Variants in TMEM131L observed in about 807,000 individuals in gnomAD.
The protein encoded by TMEM131L is transmembrane protein 131-like.
TMEM131L carries 54 observed loss-of-function variants against 192.2 expected under a neutral mutation model. The observed-to-expected ratio is 0.28, with a 90% confidence interval of 0.23 to 0.35. The LOEUF (loss-of-function observed/expected upper bound fraction) is 0.35. Ranked by LOEUF, TMEM131L falls within the 10% of genes least tolerant of loss-of-function variation. TMEM131L has a pLI of 1.00. For synonymous variants in TMEM131L, 701 were observed against 704.9 expected, an observed-to-expected ratio of 0.99 and a Z score of 0.09; for missense variants, 1,888 against 1,972.9, an observed-to-expected ratio of 0.96 and a Z score of 0.82.
In TMEM131L at chr4:153,591,104, G is replaced by T. The variant is rs1344950069; in HGVS notation, c.1722G>T (p.Glu574Asp). 1 of 1,610,614 alleles carries T rather than the reference G, an allele frequency of 6.2e-7. No individual in the cohort carries two copies. The highest frequency in any genetic ancestry group is 8.5e-7 in the Non-Finnish European group (1 of 1,177,864). The change falls in exon 17 of 35, where the codon GAG (glutamate) becomes GAT (aspartate). Residue 574 changes from glutamate (E) to aspartate (D), a missense_variant. Physicochemically the swap from Glu to Asp is conservative, Grantham distance 45 (BLOSUM62 2). Coordinates refer to ENST00000409959, the MANE Select transcript of TMEM131L (RefSeq NM_001131007.2). Reference sequence around the variant, plus strand: ...TTGCTCACTTGAAGAAATCCAAGGAGTCAGAGTCCTTTGTTTTCTTTTTGC... The same window carrying T: ...TTGCTCACTTGAAGAAATCCAAGGATTCAGAGTCCTTTGTTTTCTTTTTGC... ...TRFAHLKKSK[E>D]SESFVFFLPR... is the part of the protein sequence containing the mutation.
chr4:153,504,699 A>G (rs116510548), intron 3 of TMEM131L, among the ~76,000 whole-genome samples: 4,258 of 152,324 alleles, frequency 0.028, 191 homozygotes, highest in African/African-American at 0.097. Context: ...CTGTAGAATT[A>G]GCAAAATTTT....
At chr4:153,628,059 T>A (rs746303453) in intron 31 of TMEM131L, among the ~76,000 whole-genome samples, 1 of 152,214 alleles carries the variant, frequency 6.6e-6, no homozygotes, top group African/African-American at 2.4e-5. Context: ...GGAGGCTGAT[T>A]GGGGAGTGTG....
At chr4:153,494,794 G>A (rs973215205) in intron 3 of TMEM131L, among the ~76,000 whole-genome samples, 3 of 152,166 alleles carry the variant, frequency 2.0e-5, no homozygotes, top group South Asian at 2.1e-4. Flanking sequence ...GCTCTCCGTC[G>A]GGAGCGCTAA....
rs1031521129 is a variant in TMEM131L at position 153,555,154 on chromosome 4, G to A, written c.309-633G>A. The stretch of plus-strand genomic sequence containing the variant: ...AGAACCTCTGCTGCAAAGTGCTGCC[G>A]GATTTTCAGTTTTCTCAAAAGAATA... On this transcript the variant is annotated intron_variant, in intron 4 of 34. Transcript: ENST00000409959. The surrounding 1 kb of genome is among the most constrained non-coding windows in gnomAD (Gnocchi z 4.1). 2.6e-5 allele frequency among the ~76,000 whole-genome samples: 4 copies of A among 152,194 alleles called. No homozygotes were observed. Among genetic ancestry groups the A allele is most frequent in the South Asian group, 4.1e-4 (2 of 4,820 alleles).
chr4:153,586,393 T>TA lies in TMEM131L; in HGVS notation c.1482+15dup. The stretch of plus-strand genomic sequence containing the variant: ...GCACCAACCAAGGTATTTTCTACAA[T>TA]ACTATATGTGTGTTACAGTTTTCTT... On this transcript the variant is annotated intron_variant, in intron 14 of 34. Transcript: ENST00000409959. 1 of 1,568,306 alleles carries TA rather than the reference T, an allele frequency of 6.4e-7. No homozygotes were observed.
chr4:153,636,221 G>A (rs1315969390), intron 34 of TMEM131L, 80 bp from the exon 35 acceptor site: 3 of 1,258,876 alleles, frequency 2.4e-6, no homozygotes, highest in East Asian at 2.5e-5. Flanking sequence ...TAGCATTGTA[G>A]TATTCGCTGA....
intron 19 of TMEM131L, among the ~76,000 whole-genome samples, chr4:153,594,698 A>T (rs1420473975): frequency 6.6e-6 from 1 of 152,242 alleles, no homozygotes; most frequent in South Asian, 2.1e-4. Context: ...CAATAACAGA[A>T]GGAGGGAGAC....
At chr4:153,633,058 C>T (rs954028043) in intron 32 of TMEM131L, among the ~76,000 whole-genome samples, 14 of 151,590 alleles carry the variant, frequency 9.2e-5, no homozygotes, top group African/African-American at 3.2e-4. Flanking sequence ...GTGACAGTGT[C>T]GTTATTTTTT....
chr4:153,583,519 T>G, intron 10 of TMEM131L, 45 bp from the exon 11 acceptor site: 3 of 1,261,528 alleles, frequency 2.4e-6, no homozygotes, highest in Non-Finnish European at 3.5e-6. Context: ...GGATAAATAC[T>G]CTCCCAGCTG....
intron 3 of TMEM131L, among the ~76,000 whole-genome samples, chr4:153,543,761 C>T (rs1241998006): frequency 3.9e-5 from 6 of 152,212 alleles, no homozygotes; most frequent in Non-Finnish European, 7.3e-5. Flanking sequence ...CCATCAGACA[C>T]ACTGTTTAGA....
chr4:153,469,370 A>C (rs1730996438), intron 2 of TMEM131L, among the ~76,000 whole-genome samples: 1 of 149,820 alleles, frequency 6.7e-6, no homozygotes, highest in Non-Finnish European at 1.5e-5. Flanking sequence ...TATATCTCAT[A>C]AGCTACAGAG....
At chr4:153,577,104 G>A (rs1730002308) in intron 7 of TMEM131L, among the ~76,000 whole-genome samples, 1 of 152,130 alleles carries the variant, frequency 6.6e-6, no homozygotes, top group Admixed American at 6.5e-5. Flanking sequence ...TTAGCTAGGT[G>A]GAGAGGTGGG....
At chr4:153,615,692 T>C (rs1428315915) in intron 26 of TMEM131L, among the ~76,000 whole-genome samples, 2 of 152,178 alleles carry the variant, frequency 1.3e-5, no homozygotes, top group Non-Finnish European at 2.9e-5. Context: ...TGCCCTGCAA[T>C]GAAGTAGAAA....
At chr4:153,521,763 G>A (rs1289683925) in intron 3 of TMEM131L, among the ~76,000 whole-genome samples, 1 of 151,956 alleles carries the variant, frequency 6.6e-6, no homozygotes, top group African/African-American at 2.4e-5. Context: ...GTGCTTCATA[G>A]GAGGGAGAAT....
intron 7 of TMEM131L, among the ~76,000 whole-genome samples, chr4:153,564,213 C>T (rs181872298): frequency 6.7e-4 from 94 of 140,570 alleles, no homozygotes; most frequent in African/African-American, 2.2e-3. Context: ...TGCTTGAACC[C>T]GGGAGGCGGA....
Position 153,581,515 on chromosome 4 carries a change from C to T in TMEM131L, c.847C>T (p.His283Tyr). ...FEENTQHLLD[H>Y]LSIVYVATDE... ...AGAAAACACACAACATTTGTTAGATCATCTCTCTATTGTTTACGTAGCTAC... is the reference window on the plus strand; with the variant it reads ...AGAAAACACACAACATTTGTTAGATTATCTCTCTATTGTTTACGTAGCTAC... The change falls in exon 9 of 35, where the codon CAT (histidine) becomes TAT (tyrosine). Residue 283 changes from histidine (H) to tyrosine (Y), a missense_variant. By Grantham distance (83) the His-to-Tyr change is moderately conservative. Transcript: ENST00000409959. 4 of 1,602,954 alleles carry T rather than the reference C, an allele frequency of 2.5e-6. No homozygotes were observed. Among genetic ancestry groups the T allele is most frequent in the Non-Finnish European group, 3.4e-6 (4 of 1,173,672 alleles).
intron 3 of TMEM131L, among the ~76,000 whole-genome samples, chr4:153,480,914 A>G (rs953856118): frequency 6.6e-6 from 1 of 152,086 alleles, no homozygotes; most frequent in South Asian, 2.1e-4. Context: ...TTGAGTCTTC[A>G]TGTGGTCTTC....
chr4:153,547,961 T>C (rs1737312985), intron 3 of TMEM131L, among the ~76,000 whole-genome samples: 1 of 152,236 alleles, frequency 6.6e-6, no homozygotes, highest in Non-Finnish European at 1.5e-5. Flanking sequence ...TTAATTGCTT[T>C]ATGCTATGCA....
rs558103700 is a variant in TMEM131L, at chr4:153,585,477, T to C, written c.1177T>C (p.Ser393Pro). 3 of 1,614,152 alleles carry C rather than the reference T, an allele frequency of 1.9e-6. No homozygotes were observed. The South Asian group carries it at 3.3e-5, about 18-fold the overall frequency. The change falls in exon 13 of 35, where the codon TCT (serine) becomes CCT (proline). Residue 393 changes from serine to proline, a missense_variant. Coordinates refer to ENST00000409959, the MANE Select transcript of TMEM131L (RefSeq NM_001131007.2). ...VAQGYFRMDS[S>P]ATQFHIETHE... ...TCACAGGTATTTTAGAATGGACTCT[T>C]CTGCAACCCAGTTTCACATAGAGAC...
Sources: gnomAD v4.1 joint callset for allele counts (sites outside exome capture counted in the v4.1 genomes callset) on GRCh38, gnomAD v4.1.1 for gene constraint, Gnocchi (gnomAD v3.1) non-coding constraint, MANE v1.5 for transcripts, NCBI Gene and HGNC (gene_info 2026-07-23, HGNC 2026-07-21) for gene names.